The following PSMG4 variants were observed in gnomAD, a reference collection of about 807,000 sequenced individuals.
The protein encoded by PSMG4 is proteasome assembly chaperone 4.
Under a neutral mutation model 11.0 loss-of-function variants are expected in PSMG4, and 10 were observed. The observed-to-expected ratio is 0.91, with a 90% CI of 0.56 to 1.54. The LOEUF (loss-of-function observed/expected upper bound fraction) is 1.54. Ranked by LOEUF, PSMG4 falls within the 40% of genes most tolerant of loss-of-function variation. The pLI, the probability that PSMG4 is intolerant of heterozygous loss-of-function variation, is 0.00. For missense variants in PSMG4, 198 were observed against 160.9 expected (o/e 1.23, Z -1.25); for synonymous variants, 95 against 71.3 (o/e 1.33, Z -1.68).
chr6:3,258,258 G>A (rs1249398897), upstream of PSMG4, among the ~76,000 whole-genome samples: 1 of 152,168 alleles, frequency 6.6e-6, no homozygotes, highest in South Asian at 2.1e-4. Context: ...GTTCTTATTT[G>A]CATTTTGCAG....
At chr6:3,254,698 CTG>C (rs139071978), upstream of PSMG4, among the ~76,000 whole-genome samples, 1,528 of 152,244 alleles carry the variant, frequency 0.01, 11 homozygotes, top group Non-Finnish European at 0.017. Context: ...CAGAAAGAAG[CTG>C]TGGGATGCGC....
At chr6:3,265,537 A>AGGGG (rs562818158) in intron 2 of PSMG4, 3 of 152,182 alleles carry the variant, frequency 2.0e-5, no homozygotes, top group Admixed American at 6.5e-5. Flanking sequence ...TTGGAATACC[A>AGGGG]GGGGGGCCCC....
chr6:3,257,545 T>A (rs1392305832), upstream of PSMG4, among the ~76,000 whole-genome samples: 1 of 152,116 alleles, frequency 6.6e-6, no homozygotes, highest in Non-Finnish European at 1.5e-5. Flanking sequence ...GGTGTAGCCA[T>A]ACAATGGAAC....
In PSMG4 at chr6:3,267,512, C is replaced by T. The variant is rs1162786166; in HGVS notation, c.251-79C>T. The T allele has an allele frequency of 2.0e-6, 3 of 1,492,982 alleles. No individual in the cohort carries two copies. In the African/African-American group the frequency reaches 4.2e-5, roughly 21 times the overall value. The allele number at this position is 1,492,982 out of a possible 1,614,324, so 92.5% of individuals were successfully genotyped here. A position where few individuals can be genotyped will look rare whatever the true frequency, so the allele number is the denominator to read the frequency against. ...ACCCCATCCTCTTTCTGAGCATTTC[C>T]CAGCTGCACGTGGCTGTGAGGAACA... On this transcript the variant is annotated intron_variant, in intron 2 of 2. Coordinates refer to ENST00000438998, the MANE Select transcript of PSMG4 (RefSeq NM_001128591.2).
intron 1 of PSMG4, among the ~76,000 whole-genome samples, chr6:3,263,359 T>G (rs1050337137): frequency 6.6e-6 from 1 of 152,252 alleles, no homozygotes; most frequent in Non-Finnish European, 1.5e-5. Context: ...TCTTGTTTGC[T>G]TCCCTTTTGG....
chr6:3,261,911 CCT>C (rs1758005973), intron 1 of PSMG4, among the ~76,000 whole-genome samples: 1 of 152,118 alleles, frequency 6.6e-6, no homozygotes, highest in South Asian at 2.1e-4. Context: ...CTATCTGGTC[CCT>C]CTCAGGAATT....
At chr6:3,254,976 C>G (rs1341958089), upstream of PSMG4, 5 of 1,423,758 alleles carry the variant, frequency 3.5e-6, no homozygotes, top group African/African-American at 2.1e-5. Context: ...TGTGATGTGG[C>G]TGTGGATCCC....
chr6:3,254,907 C>CT (rs148473574), upstream of PSMG4: 16,918 of 885,276 alleles, frequency 0.019, 959 homozygotes, highest in African/African-American at 0.17. Context: ...TGAATGATCT[C>CT]TGAGCTGGTG....
At chr6:3,267,567 T>C in intron 2 of PSMG4, 24 bp from the exon 3 acceptor site, 1 of 1,550,036 alleles carries the variant, frequency 6.5e-7, no homozygotes, top group Non-Finnish European at 8.7e-7. Flanking sequence ...GGAGTGGCTG[T>C]ATCAATGTGT....
At chr6:3,259,273 C>T (rs1464834510) in intron 1 of PSMG4, 77 bp downstream of exon 1, 30 of 1,188,760 alleles carry the variant, frequency 2.5e-5, no homozygotes, top group Non-Finnish European at 2.0e-5. Context: ...GCTGCAGCCC[C>T]CCAGGCTTCT....
At chr6:3,267,386 G>T in intron 2 of PSMG4, 1 of 419,076 alleles carries the variant, frequency 2.4e-6, no homozygotes, top group South Asian at 3.2e-5. Context: ...CAGAACCCTG[G>T]GTCTGGTGGA....
intron 1 of PSMG4, among the ~76,000 whole-genome samples, chr6:3,260,292 T>TATATATATATATATATATATATC (rs1554129658): frequency 7.9e-5 from 1 of 12,646 alleles, no homozygotes; most frequent in African/African-American, 1.9e-4. Context: ...TATATATATA[T>TATATATATATATATATATATATC]TTTTTTTTTT....
At chr6:3,255,622 C>T (rs1581541235), upstream of PSMG4, among the ~76,000 whole-genome samples, 1 of 152,188 alleles carries the variant, frequency 6.6e-6, no homozygotes, top group East Asian at 1.9e-4. Flanking sequence ...CAGCTGTCAT[C>T]TATTTGTAGC....
At chr6:3,259,798 C>T (rs1179700559) in intron 1 of PSMG4, among the ~76,000 whole-genome samples, 1 of 152,214 alleles carries the variant, frequency 6.6e-6, no homozygotes, top group East Asian at 1.9e-4. Context: ...TTCACCCTGC[C>T]GCGCTGGGCC....
chr6:3,254,919 T>G, upstream of PSMG4: 1 of 984,564 alleles, frequency 1.0e-6, no homozygotes, highest in Non-Finnish European at 1.5e-6. Flanking sequence ...GAGCTGGTGC[T>G]TCAGCCATTC....
At chr6:3,257,909 TG>T (rs755282554), upstream of PSMG4, among the ~76,000 whole-genome samples, 2 of 152,254 alleles carry the variant, frequency 1.3e-5, no homozygotes, top group Non-Finnish European at 2.9e-5. Context: ...GAAAATTAAC[TG>T]TATTATTGAA....
chr6:3,254,568 G>C (rs114695956), upstream of PSMG4, among the ~76,000 whole-genome samples: 1 of 152,128 alleles, frequency 6.6e-6, no homozygotes, highest in Non-Finnish European at 1.5e-5. Flanking sequence ...CGGGGTTTGT[G>C]AGGCTGGGAA....
Position 3,259,209 on chromosome 6 carries a change from C to T in PSMG4, c.174+13C>T, listed in dbSNP as rs1246277171. ...GTGCAGCCGCTACGTGAGTGCCTGGCGGCCGAGGGTGCGGGCGGCGGGGCG... is the reference window on the plus strand; with the variant it reads ...GTGCAGCCGCTACGTGAGTGCCTGGTGGCCGAGGGTGCGGGCGGCGGGGCG... On this transcript the variant is annotated intron_variant, in intron 1 of 2. Transcript: ENST00000438998. 3.1e-6 allele frequency: 4 copies of T among 1,270,114 alleles called. No individual in the cohort carries two copies. Among genetic ancestry groups the T allele is most frequent in the South Asian group, 2.8e-5 (1 of 35,796 alleles). The allele number at this position is 1,270,114 out of a possible 1,614,324, so 78.7% of individuals were successfully genotyped here.
intron 1 of PSMG4, among the ~76,000 whole-genome samples, chr6:3,262,792 G>GGTGTT (rs10622830): frequency 1.4e-5 from 2 of 141,762 alleles, no homozygotes; most frequent in Non-Finnish European, 3.0e-5. Flanking sequence ...ACCAATAAGT[G>GGTGTT]TTTTTTTTTT....
Sources: gnomAD v4.1 joint callset for allele counts (sites outside exome capture counted in the v4.1 genomes callset) on GRCh38, gnomAD v4.1.1 for gene constraint, MANE v1.5 for transcripts, NCBI Gene and HGNC (gene_info 2026-07-23, HGNC 2026-07-21) for gene names.